The following HSF2BP variants were observed in gnomAD, a reference collection of about 807,000 sequenced individuals.
HSF2BP encodes heat shock transcription factor 2 binding protein, also known as heat shock factor 2-binding protein.
In HSF2BP, 35 loss-of-function variants were observed where a neutral mutation model predicts 35.0. That is an observed-to-expected ratio of 1.00 (90% CI 0.76 to 1.32). The LOEUF (loss-of-function observed/expected upper bound fraction) is 1.32, where lower values mean the gene tolerates loss of function less well. Ranked by LOEUF, HSF2BP falls within the 40% of genes most tolerant of loss-of-function variation. The probability of loss-of-function intolerance (pLI) is 0.00; values close to 1 mark genes in which losing one functional copy is unlikely to be tolerated. For missense variants in HSF2BP, 326 were observed against 321.7 expected (o/e 1.01, Z -0.10); for synonymous variants, 114 against 117.4 (o/e 0.97, Z 0.18).
At chr21:43,649,552 CA>C (rs1289135326) in intron 3 of HSF2BP, among the ~76,000 whole-genome samples, 2 of 152,088 alleles carry the variant, frequency 1.3e-5, no homozygotes, top group East Asian at 3.9e-4. Flanking sequence ...ACATTAACAT[CA>C]AAAAACATAT....
chr21:43,607,064 G>A (rs561069812), intron 7 of HSF2BP, among the ~76,000 whole-genome samples: 7 of 152,216 alleles, frequency 4.6e-5, no homozygotes, highest in East Asian at 1.9e-4. Context: ...CAAGGAAGGC[G>A]GATCACTTGA....
At chr21:43,651,977 T>C (rs1162693113) in intron 3 of HSF2BP, among the ~76,000 whole-genome samples, 1 of 152,260 alleles carries the variant, frequency 6.6e-6, no homozygotes, top group African/African-American at 2.4e-5. Flanking sequence ...ATCCTCTAGC[T>C]GGCTTACAAG....
intron 6 of HSF2BP, among the ~76,000 whole-genome samples, chr21:43,621,427 TA>T (rs201384710): frequency 0.021 from 3,177 of 151,828 alleles, 65 homozygotes; most frequent in Non-Finnish European, 0.03. Flanking sequence ...CTCAGGAGGC[TA>T]AGGCAAGAGA....
At chr21:43,579,317 G>A (rs1284350305) in intron 8 of HSF2BP, among the ~76,000 whole-genome samples, 3 of 152,122 alleles carry the variant, frequency 2.0e-5, no homozygotes, top group African/African-American at 7.2e-5. Context: ...TTCATGCAGA[G>A]TTATTATAAA....
chr21:43,592,374 C>T (rs2081937901), intron 7 of HSF2BP, 46 bp from the exon 8 acceptor site: 1 of 1,261,138 alleles, frequency 7.9e-7, no homozygotes. Flanking sequence ...ATCCACACTA[C>T]ATTTCACCCT....
intron 7 of HSF2BP, among the ~76,000 whole-genome samples, chr21:43,607,131 A>G (rs907821829): frequency 6.6e-6 from 1 of 151,962 alleles, no homozygotes; most frequent in African/African-American, 2.4e-5. Flanking sequence ...TCTACAAAAA[A>G]CTACAGAAAT....
In HSF2BP at chr21:43,658,259, A is replaced by G. The variant is rs558637461; in HGVS notation, c.-163T>C. 75 of 815,086 alleles carry G rather than the reference A, an allele frequency of 9.2e-5. 3 individuals carry two copies. The Middle Eastern group carries it at 1.6e-3, about 18-fold the overall frequency. The allele number at this position is 815,086 out of a possible 1,614,324, so 50.5% of individuals were successfully genotyped here. A position where few individuals can be genotyped will look rare whatever the true frequency, so the allele number is the denominator to read the frequency against. ...AGTATTCTCGGCCTAGAGAGCGAGG[A>G]GTGGCCTTGGCGAGGTCCCTCTTTG... On this transcript the variant is annotated 5_prime_UTR_variant, in exon 2 of 9. Coordinates refer to ENST00000291560, the MANE Select transcript of HSF2BP (RefSeq NM_007031.2).
Position 43,656,570 on chromosome 21 carries a change from T to C in HSF2BP, c.187+17A>G. 1 of 1,603,030 alleles carries C rather than the reference T, an allele frequency of 6.2e-7. No homozygotes were observed. Among genetic ancestry groups the C allele is most frequent in the Non-Finnish European group, 8.5e-7 (1 of 1,176,344 alleles). ...AATTACTGTTACCACCAATGACTGC[T>C]GAAAATGAAGACTCACTTTTTTCTA... On this transcript the variant is annotated intron_variant, in intron 3 of 8. Transcript: ENST00000291560.
chr21:43,654,833 G>A (rs1443968004), intron 3 of HSF2BP, among the ~76,000 whole-genome samples: 2 of 152,234 alleles, frequency 1.3e-5, no homozygotes, highest in African/African-American at 4.8e-5. Flanking sequence ...AAGCCATGGG[G>A]TGAGGCAATG....
At chr21:43,596,873 C>G (rs1039571070) in intron 7 of HSF2BP, among the ~76,000 whole-genome samples, 3 of 132,558 alleles carry the variant, frequency 2.3e-5, no homozygotes, top group Non-Finnish European at 4.6e-5. Context: ...CGTGACAGAG[C>G]AGGACCCTGT....
At chr21:43,579,356 AAAAC>A (rs1302612962) in intron 8 of HSF2BP, among the ~76,000 whole-genome samples, 2 of 151,992 alleles carry the variant, frequency 1.3e-5, no homozygotes, top group Non-Finnish European at 2.9e-5. Flanking sequence ...GGCTTACAGT[AAAAC>A]AAACAACAAA....
At chr21:43,635,163 C>G (rs767345016) in intron 4 of HSF2BP, among the ~76,000 whole-genome samples, 5 of 151,798 alleles carry the variant, frequency 3.3e-5, no homozygotes, top group Non-Finnish European at 5.9e-5. Context: ...GGTGCAAGAC[C>G]TATACAATGA....
rs151177051 is a variant in HSF2BP, at chr21:43,590,932, A to G, written c.796+1293T>C. Among the ~76,000 whole-genome samples the G allele has an allele frequency of 8.4e-4, 128 of 152,332 alleles. 1 individual carries two copies. Among genetic ancestry groups the G allele is most frequent in the African/African-American group, 2.9e-3 (120 of 41,582 alleles). ...TGCACATTACCTTGATTGTGATAAT[A>G]ATTTTACAGGTGGACATTTATATCA... On this transcript the variant is annotated intron_variant, in intron 8 of 8. Transcript: ENST00000291560.
intron 3 of HSF2BP, among the ~76,000 whole-genome samples, chr21:43,646,028 C>T (rs2082704130): frequency 6.6e-6 from 1 of 151,554 alleles, no homozygotes; most frequent in South Asian, 2.1e-4. Flanking sequence ...AAATGCGTTT[C>T]TTAGGGGCCC....
At chr21:43,616,052 A>ATATAT (rs1555868377) in intron 6 of HSF2BP, among the ~76,000 whole-genome samples, 119 of 144,008 alleles carry the variant, frequency 8.3e-4, no homozygotes, top group Non-Finnish European at 1.1e-3. Flanking sequence ...AAAAAAAAAA[A>ATATAT]ATATATATAT....
chr21:43,603,114 A>G (rs1476089880), intron 7 of HSF2BP, among the ~76,000 whole-genome samples: 1 of 152,262 alleles, frequency 6.6e-6, no homozygotes, highest in African/African-American at 2.4e-5. Flanking sequence ...CACAAGTCTA[A>G]TAAAAAAAAT....
chr21:43,615,030 C>G (rs554410446), intron 6 of HSF2BP, among the ~76,000 whole-genome samples: 1 of 152,160 alleles, frequency 6.6e-6, no homozygotes, highest in Non-Finnish European at 1.5e-5. Context: ...TACACTGCTC[C>G]CAATGGGCAG....
the HSF2BP span, among the ~76,000 whole-genome samples, chr21:43,499,719 C>G: frequency 5.0e-5 from 6 of 118,866 alleles, 1 homozygote; most frequent in Admixed American, 8.7e-5. Flanking sequence ...TTCCTGCCCC[C>G]CACCTGCTCA....
In HSF2BP at chr21:43,590,786, C is replaced by T. The variant is rs183082373; in HGVS notation, c.796+1439G>A. On this transcript the variant is annotated intron_variant, in intron 8 of 8. Coordinates refer to ENST00000291560, the MANE Select transcript of HSF2BP (RefSeq NM_007031.2). ...AACTATGATTCCACTTATATAAAAT[C>T]AAAGAAAATGAAAACTAACTACAGC... 2.1e-4 allele frequency among the ~76,000 whole-genome samples: 32 copies of T among 152,194 alleles called. No individual in the cohort carries two copies. In the East Asian group the frequency reaches 6.2e-3, roughly 29 times the overall value.
Sources: allele counts gnomAD v4.1 joint callset (sites outside exome capture counted in the v4.1 genomes callset), GRCh38; gene constraint gnomAD v4.1.1; transcripts MANE v1.5; gene names NCBI Gene and HGNC (gene_info 2026-07-23, HGNC 2026-07-21).